TIE1: variants seen among roughly 807,000 people sequenced by gnomAD.
TIE1 encodes the protein tyrosine kinase with immunoglobulin like and EGF like domains 1, also known as tyrosine-protein kinase receptor Tie-1.
A neutral mutation model predicts 130.5 loss-of-function variants in TIE1; 89 were observed. That is an observed-to-expected ratio of 0.68 (90% confidence interval 0.57 to 0.81). TIE1 has a LOEUF of 0.81. Among genes scored for constraint, TIE1 ranks in the 40% least tolerant of loss-of-function variants. The pLI is 0.00. For missense variants in TIE1, 1,392 were observed against 1,559.8 expected (o/e 0.89, Z 1.81); for synonymous variants, 568 against 629.4 (o/e 0.90, Z 1.46).
chr1:43,307,093 T>G lies in TIE1; in HGVS notation c.641-49T>G, dbSNP rs773644428. On this transcript the variant is annotated intron_variant, in intron 4 of 22. Transcript: ENST00000372476. This position sits in a 1 kb window ranked among gnomAD's most constrained non-coding sequence, Gnocchi z 5.4. ...CCTGGAGCCCCTGGATCTCCAGTCC[T>G]CAGTGGTCAGGTGGGTGAGGGTCAG... The G allele has an allele frequency of 6.2e-7, 1 of 1,613,508 alleles. No individual in the cohort carries two copies. Among genetic ancestry groups the G allele is most frequent in the Non-Finnish European group, 8.5e-7 (1 of 1,179,838 alleles).
Position 43,307,679 on chromosome 1 carries a change from T to C in TIE1, c.913+107T>C. ...TTACGCAGCAAGCCCTCCTGCTCAC[T>C]TGACCAGTCCTTCTATCCTCAGCCT... On this transcript the variant is annotated intron_variant, in intron 6 of 22. Coordinates refer to ENST00000372476, the MANE Select transcript of TIE1 (RefSeq NM_005424.5). This position sits in a 1 kb window ranked among gnomAD's most constrained non-coding sequence, Gnocchi z 5.4. 3 of 1,600,882 alleles carry C rather than the reference T, an allele frequency of 1.9e-6. No individual in the cohort carries two copies. The highest frequency in any genetic ancestry group is 1.7e-6 in the Non-Finnish European group (2 of 1,171,146).
In TIE1 at chr1:43,313,120, C is replaced by T; in HGVS notation, c.1928-15C>T. ...GGTCCTATCTGAGCCTTGCCTTCCC[C>T]CACCATCTCCCCAGGGCCTCCAGCC... On this transcript the variant is annotated splice_polypyrimidine_tract_variant and intron_variant, in intron 12 of 22. Coordinates refer to ENST00000372476, the MANE Select transcript of TIE1 (RefSeq NM_005424.5). This position sits in a 1 kb window ranked among gnomAD's most constrained non-coding sequence, Gnocchi z 6.2. The T allele has an allele frequency of 6.3e-7, 1 of 1,591,836 alleles. No individual in the cohort carries two copies. The highest frequency in any genetic ancestry group is 1.2e-5 in the South Asian group (1 of 86,574).
Position 43,313,169 on chromosome 1 carries a change from C to T in TIE1, c.1962C>T (p.Ala654=), listed in dbSNP as rs1422820334. The change falls in exon 13 of 23, where the codon GCC becomes GCT. Residue 654 remains alanine, a synonymous_variant. Transcript: ENST00000372476. The surrounding 1 kb of genome is among the most constrained non-coding windows in gnomAD (Gnocchi z 6.2). ...PPAPRHLHAQ[A]LSDSEIQLTW... ...CCCCCCGACACCTCCACGCCCAGGC[C>T]CTCTCAGACTCCGAGATCCAGCTGA... The T allele has an allele frequency of 6.2e-7, 1 of 1,612,582 alleles. No homozygotes were observed.
Position 43,304,999 on chromosome 1 carries a change from C to A in TIE1, c.207C>A (p.Ile69=), listed in dbSNP as rs200369203. Reference sequence around the variant, plus strand: ...TGCTGCTGGAGAAGGACGACCGTATCGTGCGCACCCCGCCCGGGCCACCCC... The same window carrying A: ...TGCTGCTGGAGAAGGACGACCGTATAGTGCGCACCCCGCCCGGGCCACCCC... The part of the protein sequence containing the change: ...PPLLLEKDDR[I]VRTPPGPPLR... Residue 69 remains isoleucine (I), a synonymous_variant, in exon 2 of 23, where the codon ATC becomes ATA. Transcript: ENST00000372476. The A allele has an allele frequency of 7.2e-6, 11 of 1,527,838 alleles. No homozygotes were observed. The South Asian group carries it at 8.9e-5, about 12-fold the overall frequency. The allele number at this position is 1,527,838 out of a possible 1,614,324, so 94.6% of individuals were successfully genotyped here. A position where few individuals can be genotyped will look rare whatever the true frequency, so the allele number is the denominator to read the frequency against.
chr1:43,314,951 T>C (rs192771570), intron 14 of TIE1, among the ~76,000 whole-genome samples: 20 of 151,758 alleles, frequency 1.3e-4, no homozygotes, highest in Non-Finnish European at 2.6e-4. Context: ...CTTAGACAAC[T>C]GTTTCTACCA....
rs774725893 is a variant in TIE1 at position 43,317,445 on chromosome 1, T to C, written c.2620+36T>C. ...GCGACCCCTGGCCCAGCCCTGATGCTCTCCTTTGTCCCACAAATCCCAGGC... is the reference window on the plus strand; with the variant it reads ...GCGACCCCTGGCCCAGCCCTGATGCCCTCCTTTGTCCCACAAATCCCAGGC... On this transcript the variant is annotated intron_variant, in intron 15 of 22. Transcript: ENST00000372476. This position sits in a 1 kb window ranked among gnomAD's most constrained non-coding sequence, Gnocchi z 5.1. 1.2e-6 allele frequency: 2 copies of C among 1,612,916 alleles called. No individual in the cohort carries two copies. The highest frequency in any genetic ancestry group is 8.5e-7 in the Non-Finnish European group (1 of 1,179,152).
In TIE1 at chr1:43,309,166, C is replaced by G; in HGVS notation, c.1188+35C>G. ...CAATCACCCCAACCCACCAGCCCCT[C>G]AGGCCGCCTGCTTCACAGCTGATCC... is the stretch of plus-strand genomic sequence containing the variant. On this transcript the variant is annotated intron_variant, in intron 8 of 22. Coordinates refer to ENST00000372476, the MANE Select transcript of TIE1 (RefSeq NM_005424.5). This position sits in a 1 kb window ranked among gnomAD's most constrained non-coding sequence, Gnocchi z 6.3. The G allele has an allele frequency of 6.4e-7, 1 of 1,560,612 alleles. No homozygotes were observed. Among genetic ancestry groups the G allele is most frequent in the Non-Finnish European group, 8.7e-7 (1 of 1,150,874 alleles).
At chr1:43,303,349 C>G (rs912231546) in intron 1 of TIE1, among the ~76,000 whole-genome samples, 2 of 152,050 alleles carry the variant, frequency 1.3e-5, no homozygotes, top group Non-Finnish European at 2.9e-5. Context: ...CTCAAAGAAG[C>G]CAGTAGAATA....
At chr1:43,302,031 CA>C (rs1249941979) in intron 1 of TIE1, among the ~76,000 whole-genome samples, 1 of 152,110 alleles carries the variant, frequency 6.6e-6, no homozygotes, top group East Asian at 1.9e-4. Flanking sequence ...AACCTGGGAT[CA>C]GGGGAGGAGT....
At position 43,309,114 on chromosome 1, in the gene TIE1, G is replaced by A; in HGVS notation, c.1171G>A (p.Asp391Asn). ...VRGSIELRKP[D>N]GTVLLSTKAI... is the part of the protein sequence containing the mutation. ...GGGCAGCATAGAGCTACGCAAGCCA[G>A]ACGGCACTGTGCTCCTGGTCAGCCC... The change falls in exon 8 of 23, where the codon GAC (aspartate) becomes AAC (asparagine). Residue 391 changes from aspartate to asparagine, a missense_variant. Around this residue, in one of 6 missense-constraint regions of TIE1, gnomAD observed 551 missense variants for 565.5 expected, o/e 0.97. Coordinates refer to ENST00000372476, the MANE Select transcript of TIE1 (RefSeq NM_005424.5). This position sits in a 1 kb window ranked among gnomAD's most constrained non-coding sequence, Gnocchi z 6.3. 6.2e-7 allele frequency: 1 copy of A among 1,603,030 alleles called. No individual in the cohort carries two copies.
Position 43,311,996 on chromosome 1 carries a change from G to C in TIE1, c.1495G>C (p.Asp499His), listed in dbSNP as rs1327187230. 8.8e-6 allele frequency: 14 copies of C among 1,585,432 alleles called. No individual in the cohort carries two copies. Among genetic ancestry groups the C allele is most frequent in the Non-Finnish European group, 1.2e-5 (14 of 1,162,846 alleles). The part of the protein sequence containing the change: ...STMDWSTIVV[D>H]PSENVTLMNL... ...TGTGCTTTACACCCCACGCCCAGTG[G>C]ACCCCAGTGAGAACGTGACGTTAAT... is the stretch of plus-strand genomic sequence containing the variant. The change falls in exon 11 of 23, where the codon GAC becomes CAC. Residue 499 changes from aspartate (D) to histidine (H), a missense_variant and splice_region_variant. Physicochemically the swap from Asp to His is moderately conservative, Grantham distance 81 (BLOSUM62 -1). Around this residue, in one of 6 missense-constraint regions of TIE1, gnomAD observed 551 missense variants for 565.5 expected, o/e 0.97. Transcript: ENST00000372476.
Position 43,304,840 on chromosome 1 carries a change from C to G in TIE1, c.59-11C>G. On this transcript the variant is annotated splice_polypyrimidine_tract_variant and intron_variant, in intron 1 of 22. Transcript: ENST00000372476. ...GGGACTACAATAGAGTCACTGGTGT[C>G]CTGGCCCCAGGCGCGGCGGTGGACC... 1.4e-6 allele frequency: 2 copies of G among 1,416,650 alleles called. No individual in the cohort carries two copies. The highest frequency in any genetic ancestry group is 1.8e-6 in the Non-Finnish European group (2 of 1,092,270). 87.8% of individuals were successfully genotyped at this position (1,416,650 alleles called of 1,614,324 possible).
In TIE1 at chr1:43,319,278, A is replaced by G; in HGVS notation, c.2966A>G (p.Glu989Gly). 2 of 1,614,014 alleles carry G rather than the reference A, an allele frequency of 1.2e-6. No individual in the cohort carries two copies. The highest frequency in any genetic ancestry group is 3.3e-4 in the Middle Eastern group (2 of 6,060). ...DLAARNVLVG[E>G]NLASKIADFG... ...GCTGCCCGGAATGTGCTGGTCGGAG[A>G]GAACCTAGCCTCCAAGATTGCAGAC... is the stretch of plus-strand genomic sequence containing the variant. The change falls in exon 18 of 23, where the codon GAG becomes GGG. Residue 989 changes from glutamate to glycine, a missense_variant. Physicochemically the swap from Glu to Gly is moderately conservative, Grantham distance 98. Transcript: ENST00000372476. The surrounding 1 kb of genome is among the most constrained non-coding windows in gnomAD (Gnocchi z 4.7).
chr1:43,306,062 C>G lies in TIE1; in HGVS notation c.484+719C>G, dbSNP rs934139017. Among the ~76,000 whole-genome samples, 3 of 152,184 alleles carry G rather than the reference C, an allele frequency of 2.0e-5. 1 individual carries two copies. The highest frequency in any genetic ancestry group is 4.1e-4 in the South Asian group (2 of 4,830). ...ACAGGCAGACCTGGGTCTCTAGGCT[C>G]TCTGTTCAGCCCTGAGCAAAGAGGC... On this transcript the variant is annotated intron_variant, in intron 3 of 22. Transcript: ENST00000372476. The surrounding 1 kb of genome is among the most constrained non-coding windows in gnomAD (Gnocchi z 4.9).
Position 43,317,809 on chromosome 1 carries a change from T to A in TIE1, c.2732-73T>A. 1.3e-6 allele frequency: 2 copies of A among 1,549,546 alleles called. No individual in the cohort carries two copies. Among genetic ancestry groups the A allele is most frequent in the Non-Finnish European group, 1.8e-6 (2 of 1,127,944 alleles). ...TTGATCCTCCTTCATCCCTGTCTGT[T>A]ACCATCGGGTGCCTGCTCCCACCCT... On this transcript the variant is annotated intron_variant, in intron 16 of 22. Transcript: ENST00000372476. This position sits in a 1 kb window ranked among gnomAD's most constrained non-coding sequence, Gnocchi z 5.1.
In TIE1 at chr1:43,309,378, T is replaced by C; in HGVS notation, c.1189-10T>C. The C allele has an allele frequency of 6.4e-7, 1 of 1,574,010 alleles. No homozygotes were observed. The highest frequency in any genetic ancestry group is 8.6e-7 in the Non-Finnish European group (1 of 1,163,518). ...CCCTGTGACCTGTCCCCTTCCCCCATCTCTTTTAGTCCACCAAGGCCATTG... is the reference window on the plus strand; with the variant it reads ...CCCTGTGACCTGTCCCCTTCCCCCACCTCTTTTAGTCCACCAAGGCCATTG... On this transcript the variant is annotated splice_polypyrimidine_tract_variant and intron_variant, in intron 8 of 22. Transcript: ENST00000372476. The surrounding 1 kb of genome is among the most constrained non-coding windows in gnomAD (Gnocchi z 6.3).
chr1:43,303,703 G>A lies in TIE1; in HGVS notation c.59-1148G>A, dbSNP rs547128536. On this transcript the variant is annotated intron_variant, in intron 1 of 22. Transcript: ENST00000372476. ...TTTGTACTCCAGTCACACAAACCTG[G>A]AGAGCCCCCTCCACCTGCCACAATA... is the stretch of plus-strand genomic sequence containing the variant. Among the ~76,000 whole-genome samples the A allele has an allele frequency of 3.4e-3, 512 of 152,064 alleles. 2 individuals are homozygous for A. The highest frequency in any genetic ancestry group is 5.4e-3 in the Non-Finnish European group (366 of 67,970).
In TIE1 at chr1:43,317,107, C is replaced by T; in HGVS notation, c.2410-92C>T. 4 of 1,368,146 alleles carry T rather than the reference C, an allele frequency of 2.9e-6. No individual in the cohort carries two copies. Among genetic ancestry groups the T allele is most frequent in the East Asian group, 2.3e-5 (1 of 43,558 alleles). The allele number at this position is 1,368,146 out of a possible 1,614,324, so 84.8% of individuals were successfully genotyped here. A position where few individuals can be genotyped will look rare whatever the true frequency, so the allele number is the denominator to read the frequency against. On this transcript the variant is annotated intron_variant, in intron 14 of 22. Transcript: ENST00000372476. The surrounding 1 kb of genome is among the most constrained non-coding windows in gnomAD (Gnocchi z 5.1). ...TCTGGGTCTCTGCCCACTTGTCTGA[C>T]ACTGAAACCTCCTCGTGTGCCTGTC...
chr1:43,309,218 T>C lies in TIE1; in HGVS notation c.1188+87T>C. 1 of 1,517,754 alleles carries C rather than the reference T, an allele frequency of 6.6e-7. No homozygotes were observed. The highest frequency in any genetic ancestry group is 8.8e-7 in the Non-Finnish European group (1 of 1,131,488). The allele number at this position is 1,517,754 out of a possible 1,614,324, so 94.0% of individuals were successfully genotyped here. A position where few individuals can be genotyped will look rare whatever the true frequency, so the allele number is the denominator to read the frequency against. On this transcript the variant is annotated intron_variant, in intron 8 of 22. Coordinates refer to ENST00000372476, the MANE Select transcript of TIE1 (RefSeq NM_005424.5). The surrounding 1 kb of genome is among the most constrained non-coding windows in gnomAD (Gnocchi z 6.3). Reference sequence around the variant, plus strand: ...TAAGACCCCCTAGTCCCTCAGAACTTTCTGCAGGGCCCACCCATTGGCCTG... The same window carrying C: ...TAAGACCCCCTAGTCCCTCAGAACTCTCTGCAGGGCCCACCCATTGGCCTG...
Sources: gnomAD v4.1 joint callset for allele counts (sites outside exome capture counted in the v4.1 genomes callset) on GRCh38, gnomAD v4.1.1 for gene constraint, gnomAD v4.1.1 regional missense constraint, Gnocchi (gnomAD v3.1) non-coding constraint, MANE v1.5 for transcripts, NCBI Gene and HGNC (gene_info 2026-07-23, HGNC 2026-07-21) for gene names.